Variants in PSRC1 observed in about 807,000 individuals in gnomAD.
PSRC1 encodes the protein proline/serine-rich coiled-coil protein 1.
A neutral mutation model predicts 31.9 loss-of-function variants in PSRC1; 30 were observed. That is an observed-to-expected ratio of 0.94 (90% confidence interval 0.70 to 1.28). PSRC1 has a LOEUF of 1.28. PSRC1 is among the 50% of genes most tolerant of loss of function. PSRC1 has a pLI of 0.00. For synonymous variants in PSRC1, 191 were observed against 192.1 expected (o/e 0.99, Z 0.05); for missense variants, 481 against 472.8 (o/e 1.02, Z -0.16).
chr1:109,282,299 C>A, intron 3 of PSRC1: 1 of 613,502 alleles, frequency 1.6e-6, no homozygotes, highest in South Asian at 2.0e-5. Flanking sequence ...AGCAAATCCA[C>A]TTATCCTTCT....
At chr1:109,282,004 C>A (rs1364123304) in exon 4 of PSRC1, 9 of 1,511,116 alleles carry the variant, frequency 6.0e-6, no homozygotes, top group Non-Finnish European at 7.1e-6. Context: ...GTGGGAGAGG[C>A]CCCGTCGAAG....
At chr1:109,282,680 C>T (rs17348304) in exon 2 of PSRC1, 1 of 1,559,570 alleles carries the variant, frequency 6.4e-7, no homozygotes, top group South Asian at 1.2e-5. Flanking sequence ...CTTTCCTTAC[C>T]TTCCTCCAAA....
chr1:109,280,805 T>C (rs753766878), exon 5 of PSRC1: 5 of 1,598,234 alleles, frequency 3.1e-6, no homozygotes, highest in Non-Finnish European at 8.5e-7. Flanking sequence ...GCACTCTGTG[T>C]CCTGCAGTGC....
rs114022452 is a variant in PSRC1, at chr1:109,281,800, C to T, written c.338G>A (p.Arg113Gln). 1.5e-4 allele frequency: 235 copies of T among 1,614,106 alleles called. No homozygotes were observed. In the African/African-American group the frequency reaches 1.8e-3, roughly 12 times the overall value. ...ATCCTTCAGCACAAAGGTCTCCCGCCGAGGACTGGGCTTCACTCGGCGAGG... is the reference window on the plus strand; with the variant it reads ...ATCCTTCAGCACAAAGGTCTCCCGCTGAGGACTGGGCTTCACTCGGCGAGG... The change falls in exon 4 of 7, where the codon CGG becomes CAG. Residue 113 changes from arginine (R) to glutamine (Q), a missense_variant. By Grantham distance (43) the Arg-to-Gln change is conservative (BLOSUM62 1). Coordinates refer to ENST00000409138, the Ensembl canonical transcript of PSRC1.
chr1:109,280,293 C>T, intron 6 of PSRC1, 103 bp downstream of exon 7: 2 of 1,406,598 alleles, frequency 1.4e-6, no homozygotes, highest in Non-Finnish European at 2.0e-6. Flanking sequence ...CCTCCTCTCT[C>T]CATCTTTCCA....
chr1:109,280,197 T>A, intron 6 of PSRC1, 41 bp from the exon 8 acceptor site: 1 of 1,609,826 alleles, frequency 6.2e-7, no homozygotes. Context: ...AATGCCCTTC[T>A]TCCTCAAGCC....
chr1:109,282,344 C>T (rs1657309570), intron 3 of PSRC1, 174 bp downstream of exon 3: 2 of 637,412 alleles, frequency 3.1e-6, no homozygotes, highest in Non-Finnish European at 5.5e-6. Context: ...CAGCTTCTCC[C>T]TTCTCTCCCC....
chr1:109,280,075 G>C (rs1656791744), exon 7 of PSRC1: 1 of 1,601,716 alleles, frequency 6.2e-7, no homozygotes, highest in South Asian at 1.1e-5. Context: ...CTGGAGTCAG[G>C]GTCTGCTGGG....
intron 6 of PSRC1, 52 bp from the exon 8 acceptor site, chr1:109,280,208 C>G (rs1403707166): frequency 6.2e-7 from 1 of 1,601,580 alleles, no homozygotes. Flanking sequence ...TCCTCAAGCC[C>G]ATTTGTCACC....
In PSRC1 at chr1:109,281,060, G is replaced by A; in HGVS notation, c.711C>T (p.His237=). Residue 237 remains histidine (H), a synonymous_variant, in exon 5 of 7, where the codon CAC becomes CAT. Transcript: ENST00000409138. ...GGGTGGGTGGGCCTGGTGGAGAGGG[G>A]TGGAGAAATTTCAGGGTCAATCCCA... The A allele has an allele frequency of 2.5e-6, 4 of 1,613,340 alleles. No individual in the cohort carries two copies. Among genetic ancestry groups the A allele is most frequent in the Non-Finnish European group, 3.4e-6 (4 of 1,179,852 alleles).
At chr1:109,280,885 T>C in exon 5 of PSRC1, 1 of 1,614,060 alleles carries the variant, frequency 6.2e-7, no homozygotes, top group Non-Finnish European at 8.5e-7. Context: ...GGTGGCACAC[T>C]CCGGCTGGTG....
chr1:109,281,202 G>A (rs1481675403), exon 5 of PSRC1: 58 of 1,612,544 alleles, frequency 3.6e-5, no homozygotes, highest in Non-Finnish European at 4.6e-5. Context: ...GGTAAGAGGA[G>A]AAGATGCTGG....
At chr1:109,281,713 C>G (rs1462213553) in exon 4 of PSRC1, 1 of 1,614,014 alleles carries the variant, frequency 6.2e-7, no homozygotes, top group African/African-American at 1.3e-5. Context: ...CGTCAGGCTG[C>G]TTGGGGAGGG....
Position 109,282,066 on chromosome 1 carries a change from A to T in PSRC1, c.78-6T>A. The stretch of plus-strand genomic sequence containing the variant: ...TTATGTCTTCCTCCTCACGGCTGAG[A>T]CAGGAAACAAACCAGGCATCATGCC... On this transcript the variant is annotated splice_region_variant and splice_polypyrimidine_tract_variant and intron_variant, in intron 3 of 6. Coordinates refer to ENST00000409138, the Ensembl canonical transcript of PSRC1. The T allele has an allele frequency of 4.0e-6, 6 of 1,481,858 alleles. 1 individual carries two copies. The highest frequency in any genetic ancestry group is 1.8e-4 in the Middle Eastern group (1 of 5,530). The allele number at this position is 1,481,858 out of a possible 1,614,324, so 91.8% of individuals were successfully genotyped here.
chr1:109,282,542 A>G, exon 3 of PSRC1: 1 of 1,614,120 alleles, frequency 6.2e-7, no homozygotes, highest in Admixed American at 1.7e-5. Context: ...CAGCCCCCCA[A>G]AGTCCAAGGT....
At chr1:109,282,164 C>T (rs1657268459) in intron 3 of PSRC1, 104 bp from the exon 4 acceptor site, 1 of 1,085,720 alleles carries the variant, frequency 9.2e-7, no homozygotes, top group South Asian at 1.8e-5. Flanking sequence ...GGGACATGAC[C>T]CTAGGCCCCG....
chr1:109,280,159 A>T lies in PSRC1; in HGVS notation c.1089-3T>A, dbSNP rs1557744678. ...GCTTGCTGTCCTGATCTCTTTACCT[A>T]AAGAAATAGAAGGAATAACTGCTTT... is the stretch of plus-strand genomic sequence containing the variant. On this transcript the variant is annotated splice_region_variant and splice_polypyrimidine_tract_variant and intron_variant, in intron 6 of 6. Transcript: ENST00000409138. The T allele has an allele frequency of 6.2e-7, 1 of 1,613,434 alleles. No homozygotes were observed. The highest frequency in any genetic ancestry group is 8.5e-7 in the Non-Finnish European group (1 of 1,179,922).
At position 109,280,495 on chromosome 1, in the gene PSRC1, T is replaced by TG; in HGVS notation, c.995-7dup. ...TAGTCGCTGGGAAACAGGAACTTCA[T>TG]GGGGGTTAACAAAAGAAATGAGTTA... On this transcript the variant is annotated splice_region_variant and splice_polypyrimidine_tract_variant and intron_variant, in intron 5 of 6. Coordinates refer to ENST00000409138, the Ensembl canonical transcript of PSRC1. 6.2e-7 allele frequency: 1 copy of TG among 1,607,304 alleles called. No individual in the cohort carries two copies. The highest frequency in any genetic ancestry group is 8.5e-7 in the Non-Finnish European group (1 of 1,176,568).
intron 1 of PSRC1, 53 bp from the exon 2 acceptor site, chr1:109,282,789 G>T (rs571121437): frequency 1.3e-6 from 2 of 1,529,800 alleles, no homozygotes; most frequent in Non-Finnish European, 1.8e-6. Flanking sequence ...AAGGCTCGCA[G>T]CTAGATTCAG....
Sources: gnomAD v4.1 joint callset for allele counts on GRCh38, gnomAD v4.1.1 for gene constraint, MANE v1.5 for transcripts, NCBI Gene and HGNC (gene_info 2026-07-23, HGNC 2026-07-21) for gene names.